The following NLGN1 variants were observed in gnomAD, a reference collection of about 807,000 sequenced individuals.
The protein encoded by NLGN1 is neuroligin 1.
A neutral mutation model predicts 65.5 loss-of-function variants in NLGN1; 12 were observed. The ratio of observed to expected loss-of-function variants is 0.18; its 90% confidence interval spans 0.12 to 0.30. The LOEUF (loss-of-function observed/expected upper bound fraction) is 0.30, where lower values mean the gene tolerates loss of function less well. Among genes scored for constraint, NLGN1 ranks in the 10% least tolerant of loss-of-function variants. The pLI is 1.00. For synonymous variants in NLGN1, 350 were observed against 359.5 expected (o/e 0.97, Z 0.30); for missense variants, 750 against 1,007.1 (o/e 0.74, Z 3.46).
At chr3:174,193,809 A>C (rs1041392880) in intron 4 of NLGN1, among the ~76,000 whole-genome samples, 2 of 152,202 alleles carry the variant, frequency 1.3e-5, no homozygotes, top group African/African-American at 4.8e-5. Flanking sequence ...TTGGTTTAAA[A>C]TATTTTCATT....
intron 4 of NLGN1, among the ~76,000 whole-genome samples, chr3:173,869,953 C>A (rs552183628): frequency 1.6e-4 from 25 of 152,196 alleles, no homozygotes; most frequent in Non-Finnish European, 3.2e-4. Flanking sequence ...GAAAGAAAGT[C>A]TTTTATTCTA....
intron 4 of NLGN1, among the ~76,000 whole-genome samples, chr3:174,019,446 G>A (rs1259843685): frequency 6.6e-6 from 1 of 152,096 alleles, no homozygotes; most frequent in Non-Finnish European, 1.5e-5. Flanking sequence ...CTCACCAGAT[G>A]TGGCCCCTCA....
rs182685481 is a variant in NLGN1 at position 173,451,389 on chromosome 3, G to A, written c.-321+16311G>A. 9.9e-5 allele frequency among the ~76,000 whole-genome samples: 15 copies of A among 152,266 alleles called. No homozygotes were observed. The South Asian group carries it at 1.2e-3, about 13-fold the overall frequency. On this transcript the variant is annotated intron_variant, in intron 2 of 6. Transcript: ENST00000457714. ...GCAGAACAGTGGATATTGGTGAACCGCAAATGCTGCTGCCTGATCGTTCCT... is the reference window on the plus strand; with the variant it reads ...GCAGAACAGTGGATATTGGTGAACCACAAATGCTGCTGCCTGATCGTTCCT...
At chr3:174,203,762 G>A (rs184427740) in intron 4 of NLGN1, among the ~76,000 whole-genome samples, 11 of 152,112 alleles carry the variant, frequency 7.2e-5, no homozygotes, top group Non-Finnish European at 1.2e-4. Context: ...TTTTTCATAA[G>A]GTATATTTCT....
At chr3:173,561,403 T>G (rs936059015) in intron 2 of NLGN1, among the ~76,000 whole-genome samples, 1 of 152,150 alleles carries the variant, frequency 6.6e-6, no homozygotes, top group Non-Finnish European at 1.5e-5. Context: ...TTTCCAAATC[T>G]CGTAGCTTCC....
chr3:173,873,575 T>G (rs1288295787), intron 4 of NLGN1, among the ~76,000 whole-genome samples: 1 of 152,228 alleles, frequency 6.6e-6, no homozygotes, highest in Non-Finnish European at 1.5e-5. Context: ...TTTAAAAATT[T>G]TATTGTATTT....
intron 2 of NLGN1, among the ~76,000 whole-genome samples, chr3:173,453,913 C>G (rs1400442025): frequency 1.3e-5 from 2 of 152,178 alleles, no homozygotes; most frequent in African/African-American, 4.8e-5. Context: ...TCAATTTACT[C>G]TGCCCAGACC....
chr3:173,522,088 C>T (rs1560378607), intron 2 of NLGN1, among the ~76,000 whole-genome samples: 1 of 152,212 alleles, frequency 6.6e-6, no homozygotes, highest in Non-Finnish European at 1.5e-5. Flanking sequence ...TTTCAACTCT[C>T]TGCACACCTT....
At chr3:174,285,041 C>T (rs1161877562) in exon 7 of NLGN1, 3 of 151,268 alleles carry the variant, frequency 2.0e-5, no homozygotes, top group Non-Finnish European at 4.4e-5. Context: ...AGTTATTTCA[C>T]CTCTTGCCAC....
At chr3:174,165,212 C>T (rs1425903744) in intron 4 of NLGN1, among the ~76,000 whole-genome samples, 1 of 151,960 alleles carries the variant, frequency 6.6e-6, no homozygotes, top group Non-Finnish European at 1.5e-5. Context: ...TCTGATTCCT[C>T]TGGCTAGCAT....
chr3:173,495,980 C>T (rs1484287653), intron 2 of NLGN1, among the ~76,000 whole-genome samples: 1 of 151,668 alleles, frequency 6.6e-6, no homozygotes, highest in Non-Finnish European at 1.5e-5. Context: ...GGTTCCGTGT[C>T]TCTGTAATTG....
intron 2 of NLGN1, among the ~76,000 whole-genome samples, chr3:173,450,872 C>T (rs1721370393): frequency 6.6e-6 from 1 of 152,174 alleles, no homozygotes; most frequent in Admixed American, 6.5e-5. Context: ...GAGGCTTGTG[C>T]ATTCGTCACG....
chr3:173,623,534 G>T (rs1383127305), intron 3 of NLGN1, among the ~76,000 whole-genome samples: 3 of 152,062 alleles, frequency 2.0e-5, no homozygotes, highest in Non-Finnish European at 4.4e-5. Context: ...CAACAAGAGA[G>T]AATAGCATGG....
At chr3:173,654,479 C>T (rs1366607637) in intron 3 of NLGN1, among the ~76,000 whole-genome samples, 2 of 152,072 alleles carry the variant, frequency 1.3e-5, no homozygotes, top group Non-Finnish European at 2.9e-5. Context: ...AAAAATCTAC[C>T]TATGCATCAG....
intron 2 of NLGN1, among the ~76,000 whole-genome samples, chr3:173,493,894 G>A (rs1297615522): frequency 2.0e-5 from 3 of 151,480 alleles, no homozygotes; most frequent in African/African-American, 7.3e-5. Context: ...TTTTTTGAAA[G>A]TTTCTAAAAA....
intron 3 of NLGN1, among the ~76,000 whole-genome samples, chr3:173,659,776 T>G (rs1414337605): frequency 6.6e-6 from 1 of 151,984 alleles, no homozygotes; most frequent in Non-Finnish European, 1.5e-5. Context: ...TGTGTGTGTA[T>G]GTGTGTTTAG....
chr3:173,988,599 A>G (rs1560786277), intron 4 of NLGN1, among the ~76,000 whole-genome samples: 1 of 152,178 alleles, frequency 6.6e-6, no homozygotes, highest in Non-Finnish European at 1.5e-5. Flanking sequence ...CTTCTAAGGA[A>G]TACTGTTTGT....
In NLGN1 at chr3:174,221,693, C is replaced by A. The variant is rs1324411807; in HGVS notation, c.647-53622C>A. On this transcript the variant is annotated intron_variant, in intron 4 of 6. Transcript: ENST00000457714. Reference sequence around the variant, plus strand: ...CTTAAACAAGAGAAATTTATTCTCTCAAAGTTCTGAGGCTAAAGTCCAATG... The same window carrying A: ...CTTAAACAAGAGAAATTTATTCTCTAAAAGTTCTGAGGCTAAAGTCCAATG... 2.6e-5 allele frequency among the ~76,000 whole-genome samples: 4 copies of A among 151,532 alleles called. No homozygotes were observed. In the East Asian group the frequency reaches 7.7e-4, roughly 29 times the overall value.
chr3:173,966,580 C>G (rs574741417), intron 4 of NLGN1, among the ~76,000 whole-genome samples: 51 of 152,288 alleles, frequency 3.3e-4, no homozygotes, highest in Non-Finnish European at 6.2e-4. Flanking sequence ...TCACTGAAAG[C>G]ACATACACAT....
Sources: gnomAD v4.1 joint callset for allele counts (sites outside exome capture counted in the v4.1 genomes callset) on GRCh38, gnomAD v4.1.1 for gene constraint, MANE v1.5 for transcripts, NCBI Gene and HGNC (gene_info 2026-07-23, HGNC 2026-07-21) for gene names.